PAK5: variants seen among roughly 807,000 people sequenced by gnomAD.
The protein encoded by PAK5 is p21 (RAC1) activated kinase 5, also known as serine/threonine-protein kinase PAK 5.
PAK5 carries 16 observed loss-of-function variants against 65.9 expected under a neutral mutation model. The ratio of observed to expected loss-of-function variants is 0.24; its 90% confidence interval spans 0.16 to 0.37. PAK5 has a LOEUF of 0.37. Among genes scored for constraint, PAK5 ranks in the 10% least tolerant of loss-of-function variants. The probability of loss-of-function intolerance (pLI) is 1.00; values close to 1 mark genes in which losing one functional copy is unlikely to be tolerated. For missense variants in PAK5, 785 were observed against 903.9 expected (o/e 0.87, Z 1.69); for synonymous variants, 371 against 354.9 (o/e 1.05, Z -0.51).
intron 3 of PAK5, among the ~76,000 whole-genome samples, chr20:9,584,117 C>T (rs901633316): frequency 6.6e-6 from 1 of 152,204 alleles, no homozygotes; most frequent in South Asian, 2.1e-4. Flanking sequence ...TGGGACCTTT[C>T]CTCAGAGGAA....
chr20:9,685,888 G>T (rs1475983143), intron 2 of PAK5, among the ~76,000 whole-genome samples: 1 of 152,140 alleles, frequency 6.6e-6, no homozygotes, highest in Non-Finnish European at 1.5e-5. Context: ...CATTCTGCCT[G>T]CATCCCTGGC....
At chr20:9,697,978 C>A (rs989774826) in intron 2 of PAK5, among the ~76,000 whole-genome samples, 1 of 151,984 alleles carries the variant, frequency 6.6e-6, no homozygotes, top group African/African-American at 2.4e-5. Flanking sequence ...TTGACATTAG[C>A]CCATGATGTT....
intron 3 of PAK5, among the ~76,000 whole-genome samples, chr20:9,618,914 C>CTTTTTTTTTT (rs2046714022): frequency 4.6e-5 from 1 of 21,854 alleles, no homozygotes; most frequent in Non-Finnish European, 9.0e-5. Flanking sequence ...CTCTTTCTTT[C>CTTTTTTTTTT]GTTTTTTTTT....
At chr20:9,792,225 T>C (rs900181227) in intron 1 of PAK5, among the ~76,000 whole-genome samples, 5 of 152,158 alleles carry the variant, frequency 3.3e-5, no homozygotes, top group Non-Finnish European at 5.9e-5. Context: ...TGAAGATGTG[T>C]TGAATATTTA....
Position 9,539,422 on chromosome 20 carries a change from A to T in PAK5, c.*40T>A, listed in dbSNP as rs748010909. The T allele has an allele frequency of 6.3e-7, 1 of 1,594,526 alleles. No individual in the cohort carries two copies. The highest frequency in any genetic ancestry group is 8.6e-7 in the Non-Finnish European group (1 of 1,163,226). On this transcript the variant is annotated 3_prime_UTR_variant, in exon 10 of 10. Transcript: ENST00000353224. Reference sequence around the variant, plus strand: ...CCTTTTGTTCTCCTGAATTATTCTCATGTCCTCATCTAGCTTTGCCACCTA... The same window carrying T: ...CCTTTTGTTCTCCTGAATTATTCTCTTGTCCTCATCTAGCTTTGCCACCTA...
chr20:9,693,498 T>A (rs908949621), intron 2 of PAK5, among the ~76,000 whole-genome samples: 19 of 149,376 alleles, frequency 1.3e-4, no homozygotes, highest in African/African-American at 3.7e-4. Flanking sequence ...GCACATACAC[T>A]ACACAATTTC....
intron 3 of PAK5, among the ~76,000 whole-genome samples, chr20:9,625,477 G>T (rs182522492): frequency 6.6e-6 from 1 of 152,340 alleles, no homozygotes; most frequent in Admixed American, 6.5e-5. Context: ...ATGGTGTAGG[G>T]CATAGTGCTG....
chr20:9,760,218 A>G (rs530558362), intron 1 of PAK5, among the ~76,000 whole-genome samples: 1 of 152,330 alleles, frequency 6.6e-6, no homozygotes, highest in African/African-American at 2.4e-5. Flanking sequence ...AGCCAAAAAC[A>G]GAGACAGAAA....
chr20:9,571,882 G>GA (rs201989424), intron 4 of PAK5, among the ~76,000 whole-genome samples: 10 of 142,232 alleles, frequency 7.0e-5, no homozygotes, highest in Non-Finnish European at 1.2e-4. Flanking sequence ...GATGGGGGGG[G>GA]GGGATGTGGT....
At chr20:9,747,124 G>A (rs2048517668) in intron 1 of PAK5, among the ~76,000 whole-genome samples, 1 of 152,224 alleles carries the variant, frequency 6.6e-6, no homozygotes, top group Admixed American at 6.5e-5. Context: ...ACCCTCCCAA[G>A]ACTAAACCAG....
intron 1 of PAK5, among the ~76,000 whole-genome samples, chr20:9,785,883 G>T (rs942937357): frequency 6.6e-6 from 1 of 152,086 alleles, no homozygotes; most frequent in Admixed American, 6.6e-5. Flanking sequence ...GCAGCCTCAA[G>T]GTCAGAAAAG....
intron 3 of PAK5, among the ~76,000 whole-genome samples, chr20:9,587,826 G>A (rs966718425): frequency 6.6e-6 from 1 of 151,976 alleles, no homozygotes; most frequent in African/African-American, 2.4e-5. Flanking sequence ...TTAGACTGAG[G>A]TATGCTTTTC....
At chr20:9,680,132 A>G (rs887023849) in intron 2 of PAK5, among the ~76,000 whole-genome samples, 5 of 152,252 alleles carry the variant, frequency 3.3e-5, no homozygotes, top group Admixed American at 3.3e-4. Flanking sequence ...CTGATTAAAC[A>G]ATGGCTACTG....
At chr20:9,774,069 G>T (rs903448994) in intron 1 of PAK5, among the ~76,000 whole-genome samples, 1 of 152,178 alleles carries the variant, frequency 6.6e-6, no homozygotes, top group Non-Finnish European at 1.5e-5. Context: ...GGTCAGACCC[G>T]CTTACTATGG....
chr20:9,786,931 T>C (rs1329611438), intron 1 of PAK5, among the ~76,000 whole-genome samples: 5 of 152,158 alleles, frequency 3.3e-5, no homozygotes, highest in Admixed American at 2.0e-4. Flanking sequence ...TGCATTGCAC[T>C]GTGGATTTTA....
chr20:9,585,017 A>C (rs1233846501), intron 3 of PAK5, among the ~76,000 whole-genome samples: 1 of 152,182 alleles, frequency 6.6e-6, no homozygotes, highest in Admixed American at 6.5e-5. Context: ...ATCTACTCGG[A>C]TAATCCTTTA....
chr20:9,623,220 G>A (rs1442937609), intron 3 of PAK5, among the ~76,000 whole-genome samples: 3 of 152,120 alleles, frequency 2.0e-5, no homozygotes, highest in Non-Finnish European at 4.4e-5. Context: ...GAGAGATACA[G>A]TTAATATTAT....
chr20:9,681,024 C>T (rs901927894), intron 2 of PAK5, among the ~76,000 whole-genome samples: 15 of 152,146 alleles, frequency 9.9e-5, no homozygotes, highest in African/African-American at 3.6e-4. Context: ...TTGCCAATGT[C>T]TCCTTTTAAT....
chr20:9,600,882 T>G (rs1160830023), intron 3 of PAK5, among the ~76,000 whole-genome samples: 1 of 152,176 alleles, frequency 6.6e-6, no homozygotes, highest in African/African-American at 2.4e-5. Context: ...TCAAAGGACC[T>G]TCTCTTCATT....
Sources: allele counts gnomAD v4.1 joint callset (sites outside exome capture counted in the v4.1 genomes callset), GRCh38; gene constraint gnomAD v4.1.1; transcripts MANE v1.5; gene names NCBI Gene and HGNC (gene_info 2026-07-23, HGNC 2026-07-21).